The following CTNNA3 variants were observed in gnomAD, a reference collection of about 807,000 sequenced individuals.
CTNNA3 encodes the protein catenin alpha-3.
CTNNA3 carries 76 observed loss-of-function variants against 95.7 expected under a neutral mutation model. That is an observed-to-expected ratio of 0.79 (90% confidence interval 0.66 to 0.96). The LOEUF is 0.96. Among genes scored for constraint, CTNNA3 ranks in the 40% least tolerant of loss-of-function variants. CTNNA3 has a pLI of 0.00. For synonymous variants in CTNNA3, 431 were observed against 374.4 expected (o/e 1.15, Z -1.74); for missense variants, 1,191 against 1,089.8 (o/e 1.09, Z -1.31).
intron 5 of CTNNA3, among the ~76,000 whole-genome samples, chr10:67,465,239 T>A (rs1395402867): frequency 6.6e-6 from 1 of 152,142 alleles, no homozygotes; most frequent in African/African-American, 2.4e-5. Flanking sequence ...TTTATTTTTT[T>A]AAAGTAATTC....
chr10:66,452,930 C>G (rs77664392), intron 11 of CTNNA3, among the ~76,000 whole-genome samples: 1 of 152,208 alleles, frequency 6.6e-6, no homozygotes, highest in East Asian at 1.9e-4. Flanking sequence ...AAATCCGAGC[C>G]TCTGGCTGGG....
chr10:67,170,205 A>C (rs1861955574), intron 7 of CTNNA3, among the ~76,000 whole-genome samples: 1 of 152,230 alleles, frequency 6.6e-6, no homozygotes, highest in Non-Finnish European at 1.5e-5. Flanking sequence ...TGTGGAAAGC[A>C]GTATGGTAAT....
chr10:66,983,607 C>CA (rs200680324), intron 7 of CTNNA3, among the ~76,000 whole-genome samples: 3,931 of 152,198 alleles, frequency 0.026, 75 homozygotes, highest in South Asian at 0.071. Flanking sequence ...TCAAACATAA[C>CA]AAAATTGATA....
chr10:66,923,340 G>A (rs1846889603), intron 7 of CTNNA3, among the ~76,000 whole-genome samples: 1 of 152,196 alleles, frequency 6.6e-6, no homozygotes. Context: ...AGTATGATGA[G>A]CAAGAAGCAC....
chr10:66,636,273 G>A (rs755354762), intron 9 of CTNNA3, among the ~76,000 whole-genome samples: 2 of 151,964 alleles, frequency 1.3e-5, no homozygotes, highest in African/African-American at 2.4e-5. Context: ...GCCCTTTAAC[G>A]TTAGCAGGGG....
intron 12 of CTNNA3, among the ~76,000 whole-genome samples, chr10:66,328,046 T>C (rs971644812): frequency 9.9e-5 from 15 of 152,096 alleles, no homozygotes; most frequent in Admixed American, 8.5e-4. Context: ...ATTTAATAGA[T>C]AGCCATTCTT....
In CTNNA3 at chr10:66,095,554, C is replaced by T. The variant is rs76107854; in HGVS notation, c.1977+7603G>A. ...GAGTATATACTGATAATAATTATGGCCTGTTAAAATGTTTTTAATTTTTAG... is the reference window on the plus strand; with the variant it reads ...GAGTATATACTGATAATAATTATGGTCTGTTAAAATGTTTTTAATTTTTAG... On this transcript the variant is annotated intron_variant, in intron 14 of 17. Transcript: ENST00000433211. 5.1e-3 allele frequency among the ~76,000 whole-genome samples: 770 copies of T among 152,004 alleles called. 8 individuals are homozygous for T. The highest frequency in any genetic ancestry group is 0.018 in the African/African-American group (728 of 41,468).
rs769916895 is a variant in CTNNA3, at chr10:66,520,630, GAAGTCATC to G, written c.1510_1517del (p.Asp504ProfsTer5). The stretch of plus-strand genomic sequence containing the variant: ...ATAAAAACATACCAGATACAGCAAG[GAAGTCATC>G]AATGCTTGTAATGTCATCTACGGCT... On this transcript the variant is annotated frameshift_variant, in exon 11 of 18. Transcript: ENST00000433211. LOFTEE classifies it high-confidence loss of function. The G allele has an allele frequency of 2.5e-6, 4 of 1,604,516 alleles. No individual in the cohort carries two copies. Among genetic ancestry groups the G allele is most frequent in the Non-Finnish European group, 2.6e-6 (3 of 1,175,088 alleles).
At chr10:67,713,694 C>G (rs966655761) in intron 1 of CTNNA3, among the ~76,000 whole-genome samples, 1 of 152,094 alleles carries the variant, frequency 6.6e-6, no homozygotes, top group Non-Finnish European at 1.5e-5. Context: ...AACAGAAAAC[C>G]AAATACCGCA....
chr10:66,382,112 T>G (rs551509208), intron 11 of CTNNA3, among the ~76,000 whole-genome samples: 2 of 152,060 alleles, frequency 1.3e-5, no homozygotes, highest in Non-Finnish European at 2.9e-5. Context: ...AGGGGTGAGC[T>G]GAAGCAGGAC....
At chr10:67,486,499 T>G (rs1227947189) in intron 5 of CTNNA3, among the ~76,000 whole-genome samples, 1 of 152,174 alleles carries the variant, frequency 6.6e-6, no homozygotes, top group Non-Finnish European at 1.5e-5. Context: ...AGTATTTGTA[T>G]CTACATTCAA....
At chr10:66,019,562 G>A (rs1218672204) in intron 15 of CTNNA3, among the ~76,000 whole-genome samples, 1 of 151,940 alleles carries the variant, frequency 6.6e-6, no homozygotes, top group South Asian at 2.1e-4. Flanking sequence ...TGATTCCAAT[G>A]CTTCTGACAT....
At chr10:65,948,568 A>G (rs575835827) in intron 17 of CTNNA3, among the ~76,000 whole-genome samples, 3 of 152,184 alleles carry the variant, frequency 2.0e-5, no homozygotes, top group Non-Finnish European at 2.9e-5. Context: ...GATTAGCTAG[A>G]TCATCAGAAA....
At chr10:66,983,696 T>C (rs1264799226) in intron 7 of CTNNA3, among the ~76,000 whole-genome samples, 2 of 152,218 alleles carry the variant, frequency 1.3e-5, no homozygotes, top group African/African-American at 4.8e-5. Flanking sequence ...GAGGCATAGA[T>C]AGTTTAGTCT....
intron 6 of CTNNA3, among the ~76,000 whole-genome samples, chr10:67,202,291 A>T (rs1863683112): frequency 1.3e-5 from 2 of 152,160 alleles, no homozygotes; most frequent in Non-Finnish European, 2.9e-5. Context: ...GAAAACCCTA[A>T]ATCTTAAACT....
At chr10:67,617,098 A>G (rs1843681396) in intron 2 of CTNNA3, among the ~76,000 whole-genome samples, 1 of 152,214 alleles carries the variant, frequency 6.6e-6, no homozygotes, top group Non-Finnish European at 1.5e-5. Context: ...TTGAAACTAA[A>G]TTTAATAGTT....
chr10:67,220,686 A>G (rs755742673), intron 5 of CTNNA3, among the ~76,000 whole-genome samples: 5 of 152,212 alleles, frequency 3.3e-5, no homozygotes, highest in Non-Finnish European at 7.3e-5. Flanking sequence ...ATGTAAATGA[A>G]TAGCATTACA....
At chr10:66,595,140 TTCC>T (rs1843670330) in intron 10 of CTNNA3, among the ~76,000 whole-genome samples, 1 of 151,990 alleles carries the variant, frequency 6.6e-6, no homozygotes, top group African/African-American at 2.4e-5. Context: ...GATTCCACTG[TTCC>T]AGCATCACAG....
chr10:66,393,114 C>G (rs2092947058), intron 11 of CTNNA3, among the ~76,000 whole-genome samples: 2 of 152,024 alleles, frequency 1.3e-5, no homozygotes, highest in Admixed American at 1.3e-4. Context: ...TAAATGCATA[C>G]TGCTAATGAA....
Sources: gnomAD v4.1 joint callset for allele counts (sites outside exome capture counted in the v4.1 genomes callset) on GRCh38, gnomAD v4.1.1 for gene constraint, MANE v1.5 for transcripts, NCBI Gene and HGNC (gene_info 2026-07-23, HGNC 2026-07-21) for gene names.